The following DIP2C variants were observed in gnomAD, a reference collection of about 807,000 sequenced individuals.
DIP2C encodes DIP2 acetate--CoA ligase C (putative).
DIP2C carries 33 observed loss-of-function variants against 192.4 expected under a neutral mutation model. The observed-to-expected ratio is 0.17, with a 90% CI of 0.13 to 0.23. The LOEUF is 0.23. DIP2C is among the 10% of genes least tolerant of loss of function. DIP2C has a pLI of 1.00. For synonymous variants in DIP2C, 979 were observed against 864.1 expected (o/e 1.13, Z -2.33); for missense variants, 1,537 against 2,110.1 (o/e 0.73, Z 5.32).
intron 1 of DIP2C, among the ~76,000 whole-genome samples, chr10:565,355 A>G (rs1408606181): frequency 2.7e-5 from 2 of 74,376 alleles, no homozygotes; most frequent in East Asian, 8.6e-4. Flanking sequence ...CCTGCATTCT[A>G]AAAAAAAAAA....
intron 3 of DIP2C, among the ~76,000 whole-genome samples, chr10:470,232 C>T (rs1023040953): frequency 8.5e-5 from 13 of 152,128 alleles, no homozygotes; most frequent in Non-Finnish European, 1.9e-4. Context: ...GCGATGGAGA[C>T]ATGAGTCAGG....
chr10:408,433 A>C (rs1964963108), intron 9 of DIP2C, among the ~76,000 whole-genome samples: 1 of 152,214 alleles, frequency 6.6e-6, no homozygotes, highest in Non-Finnish European at 1.5e-5. Flanking sequence ...AATGGGAAAG[A>C]ATCCCAGGCC....
At chr10:588,602 G>A (rs1267950683) in intron 1 of DIP2C, among the ~76,000 whole-genome samples, 2 of 152,234 alleles carry the variant, frequency 1.3e-5, no homozygotes, top group African/African-American at 4.8e-5. Flanking sequence ...GGTCCCAGGA[G>A]GCAAGTCCAA....
intron 1 of DIP2C, among the ~76,000 whole-genome samples, chr10:548,185 T>C: frequency 2.3e-5 from 3 of 132,288 alleles, no homozygotes; most frequent in Non-Finnish European, 1.6e-5. Context: ...ACCTTTTCAG[T>C]CCAATTCACA....
At chr10:507,058 T>C (rs139203887) in intron 1 of DIP2C, among the ~76,000 whole-genome samples, 143 of 151,060 alleles carry the variant, frequency 9.5e-4, no homozygotes, top group African/African-American at 3.1e-3. Flanking sequence ...TTGTGCACGA[T>C]AAGAGGTGTG....
intron 3 of DIP2C, among the ~76,000 whole-genome samples, chr10:458,719 G>A (rs1969510068): frequency 6.6e-6 from 1 of 150,552 alleles, no homozygotes; most frequent in Admixed American, 6.6e-5. Flanking sequence ...ACCCATGACA[G>A]CAAGGAGGAT....
intron 14 of DIP2C, among the ~76,000 whole-genome samples, chr10:384,972 A>G (rs1272724463): frequency 1.3e-5 from 2 of 148,880 alleles, no homozygotes; most frequent in African/African-American, 5.0e-5. Flanking sequence ...CTCAAGGAGC[A>G]CCACAGACAC....
chr10:645,089 G>C (rs1855382781), intron 1 of DIP2C, among the ~76,000 whole-genome samples: 1 of 152,158 alleles, frequency 6.6e-6, no homozygotes, highest in Non-Finnish European at 1.5e-5. Flanking sequence ...AAGGGGAAAA[G>C]CCTGAAAACA....
chr10:355,025 T>A lies in DIP2C; in HGVS notation c.2985+1401A>T, dbSNP rs548052999. On this transcript the variant is annotated intron_variant, in intron 24 of 36. Coordinates refer to ENST00000280886, the MANE Select transcript of DIP2C (RefSeq NM_014974.3). ...ATTCACAGGCTGAGGAAGGGTCCAG[T>A]GGAGAAAGATGAAAAGTGGAAGGTG... 2.0e-5 allele frequency among the ~76,000 whole-genome samples: 3 copies of A among 151,646 alleles called. No homozygotes were observed. The South Asian group carries it at 6.3e-4, about 32-fold the overall frequency.
At chr10:392,764 ACTT>A (rs745741867) in intron 10 of DIP2C, among the ~76,000 whole-genome samples, 73 of 151,516 alleles carry the variant, frequency 4.8e-4, no homozygotes, top group Non-Finnish European at 9.4e-4. Flanking sequence ...ACACACACAC[ACTT>A]AACACTCTCA....
intron 1 of DIP2C, among the ~76,000 whole-genome samples, chr10:566,307 T>C (rs1588473968): frequency 6.6e-6 from 1 of 152,308 alleles, no homozygotes; most frequent in East Asian, 1.9e-4. Flanking sequence ...CTTACCAACA[T>C]ACTTTTTCAC....
At chr10:590,793 C>A (rs1851356097) in intron 1 of DIP2C, among the ~76,000 whole-genome samples, 1 of 152,232 alleles carries the variant, frequency 6.6e-6, no homozygotes, top group African/African-American at 2.4e-5. Context: ...AGCCACCATT[C>A]TGATGACCTA....
Position 579,999 on chromosome 10 carries a change from C to T in DIP2C, c.86-93469G>A, listed in dbSNP as rs1850498957. 1.3e-5 allele frequency among the ~76,000 whole-genome samples: 2 copies of T among 151,896 alleles called. 1 individual carries two copies. The highest frequency in any genetic ancestry group is 4.8e-5 in the African/African-American group (2 of 41,254). Reference sequence around the variant, plus strand: ...ATGTACATATACAGGTACACTATAACATGTATGTACATGAATAGCATGTAC... The same window carrying T: ...ATGTACATATACAGGTACACTATAATATGTATGTACATGAATAGCATGTAC... On this transcript the variant is annotated intron_variant, in intron 1 of 36. Transcript: ENST00000280886.
At chr10:348,381 T>C (rs941683437) in intron 26 of DIP2C, among the ~76,000 whole-genome samples, 2 of 152,162 alleles carry the variant, frequency 1.3e-5, no homozygotes, top group African/African-American at 4.8e-5. Flanking sequence ...GGTGATGCCC[T>C]CTCTTGGGAG....
intron 1 of DIP2C, among the ~76,000 whole-genome samples, chr10:568,463 C>A (rs922599522): frequency 6.6e-6 from 1 of 152,132 alleles, no homozygotes; most frequent in Non-Finnish European, 1.5e-5. Flanking sequence ...CTGTAACAAG[C>A]TTTCGGAAAA....
At position 364,795 on chromosome 10, in the gene DIP2C, G is replaced by A. The variant is rs73587810; in HGVS notation, c.2269-213C>T. ...TGCCCACCTCAGCAGGACCCCATCC[G>A]TTCCTGCACCTCCACTCACCTGCTG... is the stretch of plus-strand genomic sequence containing the variant. On this transcript the variant is annotated intron_variant, in intron 19 of 36. Transcript: ENST00000280886. Among the ~76,000 whole-genome samples, 927 of 152,248 alleles carry A rather than the reference G, an allele frequency of 6.1e-3. 9 individuals are homozygous for A. The highest frequency in any genetic ancestry group is 0.021 in the African/African-American group (887 of 41,538).
intron 24 of DIP2C, among the ~76,000 whole-genome samples, chr10:354,030 G>A (rs1394494161): frequency 6.6e-6 from 1 of 152,200 alleles, no homozygotes; most frequent in Non-Finnish European, 1.5e-5. Flanking sequence ...GTGTGCATAC[G>A]AGGCAGCAGA....
chr10:376,176 C>T (rs1961556267), intron 17 of DIP2C, among the ~76,000 whole-genome samples: 1 of 152,220 alleles, frequency 6.6e-6, no homozygotes, highest in Non-Finnish European at 1.5e-5. Flanking sequence ...GACGAGGAAT[C>T]CTCAAGGTGA....
Position 636,200 on chromosome 10 carries a change from G to A in DIP2C, c.85+53294C>T, listed in dbSNP as rs953871147. On this transcript the variant is annotated intron_variant, in intron 1 of 36. Coordinates refer to ENST00000280886, the MANE Select transcript of DIP2C (RefSeq NM_014974.3). The surrounding 1 kb of genome is among the most constrained non-coding windows in gnomAD (Gnocchi z 4.6). ...CCCCACAAGTCGACAGAACACCAAC[G>A]GCTCGTCGGCTCGTCGGCTCTTCCC... 2.0e-5 allele frequency among the ~76,000 whole-genome samples: 3 copies of A among 152,178 alleles called. No homozygotes were observed. Among genetic ancestry groups the A allele is most frequent in the South Asian group, 2.1e-4 (1 of 4,818 alleles).
Sources: gnomAD v4.1 joint callset for allele counts (sites outside exome capture counted in the v4.1 genomes callset) on GRCh38, gnomAD v4.1.1 for gene constraint, Gnocchi (gnomAD v3.1) non-coding constraint, MANE v1.5 for transcripts, NCBI Gene and HGNC (gene_info 2026-07-23, HGNC 2026-07-21) for gene names.